Variants in HNRNPU observed in about 807,000 individuals in gnomAD.
The protein encoded by HNRNPU is HNRNPU antisense RNA 1.
Under a neutral mutation model 94.7 loss-of-function variants are expected in HNRNPU, and 5 were observed. The ratio of observed to expected loss-of-function variants is 0.05; its 90% CI spans 0.03 to 0.11. The LOEUF is 0.11. Among genes scored for constraint, HNRNPU ranks in the 10% least tolerant of loss-of-function variants. The pLI is 1.00. For synonymous variants in HNRNPU, 434 were observed against 381.6 expected (o/e 1.14, Z -1.60); for missense variants, 710 against 1,049.2 (o/e 0.68, Z 4.47).
In HNRNPU at chr1:244,862,690, C is replaced by A; in HGVS notation, c.732G>T (p.Arg244Ser). 3 of 1,614,156 alleles carry A rather than the reference C, an allele frequency of 1.9e-6. No individual in the cohort carries two copies. The highest frequency in any genetic ancestry group is 2.5e-6 in the Non-Finnish European group (3 of 1,180,006). ...KTEQKGGDKK[R>S]GVKRPREDHG... is the part of the protein sequence containing the mutation. ...GATCTTCTCGTGGTCTTTTAACACC[C>A]CTCTTTTTATCTCCGCCTTTCTGTT... The change falls in exon 2 of 14, where the codon AGG (arginine) becomes AGT (serine). Residue 244 changes from arginine to serine, a missense_variant. Physicochemically the swap from Arg to Ser is moderately radical, Grantham distance 110. Coordinates refer to ENST00000640218, the MANE Select transcript of HNRNPU (RefSeq NM_031844.3).
In HNRNPU at chr1:244,858,412, C is replaced by T. The variant is rs889486321; in HGVS notation, c.1231-138G>A. 12 of 724,310 alleles carry T rather than the reference C, an allele frequency of 1.7e-5. No homozygotes were observed. In the African/African-American group the frequency reaches 2.1e-4, roughly 13 times the overall value. 44.9% of individuals were successfully genotyped at this position (724,310 alleles called of 1,614,324 possible). On this transcript the variant is annotated intron_variant, in intron 6 of 13. Coordinates refer to ENST00000640218, the MANE Select transcript of HNRNPU (RefSeq NM_031844.3). The stretch of plus-strand genomic sequence containing the variant: ...ACTATTAGGTGGCCTTTAAGGGCTA[C>T]ACAGTTAAGAAATCTGATGGTTGTA...
chr1:244,864,020 G>A lies in HNRNPU; in HGVS notation c.288C>T (p.Ile96=), dbSNP rs746145300. The change falls in exon 1 of 14, where the codon ATC becomes ATT. Residue 96 remains isoleucine, a synonymous_variant. Transcript: ENST00000640218. ...CCATCTGGTCGCCGTCCAGAGCGGAGATTCCTTCCTCCTCCTCTTCCTCTT... is the reference window on the plus strand; with the variant it reads ...CCATCTGGTCGCCGTCCAGAGCGGAAATTCCTTCCTCCTCCTCTTCCTCTT... ...EEEEEEEEEG[I]SALDGDQMEL... The A allele has an allele frequency of 1.1e-5, 18 of 1,612,886 alleles. No individual in the cohort carries two copies. The Admixed American group carries it at 2.5e-4, about 22-fold the overall frequency.
In HNRNPU at chr1:244,863,395, G is replaced by GACAC. The variant is rs1177980110; in HGVS notation, c.691+218_691+221dup. 0.012 allele frequency among the ~76,000 whole-genome samples: 1,618 copies of GACAC among 138,700 alleles called. 23 individuals carry two copies. Among genetic ancestry groups the GACAC allele is most frequent in the East Asian group, 0.058 (258 of 4,418 alleles). The allele number at this position is 138,700 out of a possible 152,430, so 91.0% of individuals were successfully genotyped here. On this transcript the variant is annotated intron_variant, in intron 1 of 13. Coordinates refer to ENST00000640218, the MANE Select transcript of HNRNPU (RefSeq NM_031844.3). ...ACATAATGGAGGCGCTGCCACCGCC[G>GACAC]ACACACACACACACACACACACACA... is the stretch of plus-strand genomic sequence containing the variant.
chr1:244,861,131 G>A (rs1160413424), intron 3 of HNRNPU: 1 of 152,194 alleles, frequency 6.6e-6, no homozygotes, highest in Non-Finnish European at 1.5e-5. Flanking sequence ...CTACCTATGG[G>A]TCACTGGCTC....
intron 1 of HNRNPU, among the ~76,000 whole-genome samples, chr1:244,863,373 T>A (rs1351844750): frequency 6.8e-6 from 1 of 146,262 alleles, no homozygotes; most frequent in East Asian, 2.1e-4. Context: ...TCGAGCCACA[T>A]AATGGAGGCG....
Position 244,858,080 on chromosome 1 carries a change from G to A in HNRNPU, c.1425C>T (p.Phe475=), listed in dbSNP as rs1328123201. ...PYFPIPEEYT[F]IQNVPLEDRV... Reference sequence around the variant, plus strand: ...GATCCTCTAAGGGGACGTTCTGGATGAAAGTATACTCTTCAGGTATTGGAA... The same window carrying A: ...GATCCTCTAAGGGGACGTTCTGGATAAAAGTATACTCTTCAGGTATTGGAA... The change falls in exon 7 of 14, where the codon TTC becomes TTT. Residue 475 remains phenylalanine, a synonymous_variant. Transcript: ENST00000640218. The A allele has an allele frequency of 1.2e-6, 2 of 1,613,742 alleles. No homozygotes were observed. Among genetic ancestry groups the A allele is most frequent in the African/African-American group, 1.3e-5 (1 of 74,862 alleles).
At position 244,864,076 on chromosome 1, in the gene HNRNPU, C is replaced by A; in HGVS notation, c.232G>T (p.Ala78Ser). 6.9e-6 allele frequency: 11 copies of A among 1,601,078 alleles called. No homozygotes were observed. The highest frequency in any genetic ancestry group is 9.4e-6 in the Non-Finnish European group (11 of 1,174,192). The change falls in exon 1 of 14, where the codon GCC becomes TCC. Residue 78 changes from alanine (A) to serine (S), a missense_variant. This residue lies in a region of HNRNPU where 292 missense variants were observed against 293.4 expected (regional missense o/e 1.00). Coordinates refer to ENST00000640218, the MANE Select transcript of HNRNPU (RefSeq NM_031844.3). ...TCCTCTTCATCGCCGCCGGCCGCGG[C>A]CTCCTGCTCGAGGCCTGCTCCCGAG... is the stretch of plus-strand genomic sequence containing the variant. ...GRSGAGLEQE[A>S]AAGGDEEEEE...
chr1:244,856,180 TATTA>T lies in HNRNPU; in HGVS notation c.1913-26_1913-23del, dbSNP rs550467457. The T allele has an allele frequency of 1.1e-4, 174 of 1,584,818 alleles. No individual in the cohort carries two copies. The East Asian group carries it at 3.3e-3, about 30-fold the overall frequency. On this transcript the variant is annotated intron_variant, in intron 10 of 13. Transcript: ENST00000640218. ...TTTCCTGCAGGAAACAAAGTCATAT[TATTA>T]ATTTAGAAACCCACCACGAATCCTC...
chr1:244,853,187 G>T lies in HNRNPU; in HGVS notation c.*1263C>A, dbSNP rs1353586710. On this transcript the variant is annotated 3_prime_UTR_variant, in exon 14 of 14. Coordinates refer to ENST00000640218, the MANE Select transcript of HNRNPU (RefSeq NM_031844.3). The stretch of plus-strand genomic sequence containing the variant: ...CATTAAATATGTTAAAAGTTGTCTG[G>T]GGGGGAGGGGAAGGGAAGAATTCAA... The T allele has an allele frequency of 1.3e-5, 2 of 152,412 alleles. No homozygotes were observed. The highest frequency in any genetic ancestry group is 2.9e-5 in the Non-Finnish European group (2 of 67,948). 9.4% of individuals were successfully genotyped at this position (152,412 alleles called of 1,614,324 possible). A position where few individuals can be genotyped will look rare whatever the true frequency, so the allele number is the denominator to read the frequency against.
rs937022257 is a variant in HNRNPU, at chr1:244,856,327, T to C, written c.1912+130A>G. ...ATTTTAATTCCTGAAGCAGTATTGCTGGAAAAAATGTTAACTTTCAGGAGG... is the reference window on the plus strand; with the variant it reads ...ATTTTAATTCCTGAAGCAGTATTGCCGGAAAAAATGTTAACTTTCAGGAGG... On this transcript the variant is annotated intron_variant, in intron 10 of 13. Transcript: ENST00000640218. The C allele has an allele frequency of 1.3e-5, 15 of 1,187,048 alleles. No homozygotes were observed. The African/African-American group carries it at 1.8e-4, about 15-fold the overall frequency. The allele number at this position is 1,187,048 out of a possible 1,614,324, so 73.5% of individuals were successfully genotyped here.
At chr1:244,854,896 G>T in intron 13 of HNRNPU, 77 bp downstream of exon 13, 2 of 1,159,902 alleles carry the variant, frequency 1.7e-6, no homozygotes, top group Non-Finnish European at 2.6e-6. Context: ...CCCTGAACAA[G>T]ATCTTTTTCA....
intron 4 of HNRNPU, 200 bp downstream of exon 4, chr1:244,860,135 A>G: frequency 2.1e-6 from 1 of 477,298 alleles, no homozygotes; most frequent in Non-Finnish European, 3.7e-6. Context: ...CCCCATCTCT[A>G]TTAAAAATAC....
rs1376712060 is a variant in HNRNPU, at chr1:244,853,992, A to C, written c.*458T>G. 5.5e-6 allele frequency: 1 copy of C among 182,238 alleles called. No homozygotes were observed. The highest frequency in any genetic ancestry group is 1.1e-5 in the Non-Finnish European group (1 of 88,112). The allele number at this position is 182,238 out of a possible 1,614,324, so 11.3% of individuals were successfully genotyped here. On this transcript the variant is annotated 3_prime_UTR_variant, in exon 14 of 14. Transcript: ENST00000640218. ...ATGGAGTGTAATATGAGCAGTACAG[A>C]GTCTTAATGCAATTCATGAGGACCA...
chr1:244,863,054 C>T (rs1680885119), intron 1 of HNRNPU: 1 of 311,858 alleles, frequency 3.2e-6, no homozygotes, highest in Admixed American at 5.0e-5. Context: ...GCGGCGCTCC[C>T]CTCCCCCGCG....
chr1:244,862,398 A>T (rs1449076124), intron 3 of HNRNPU, 63 bp downstream of exon 3: 5 of 1,080,914 alleles, frequency 4.6e-6, no homozygotes, highest in African/African-American at 1.6e-5. Context: ...AGACTTCTAA[A>T]AAAAAAAAAA....
At chr1:244,863,430 G>A (rs1480831260) in intron 1 of HNRNPU, among the ~76,000 whole-genome samples, 187 bp downstream of exon 1, 19 of 149,304 alleles carry the variant, frequency 1.3e-4, no homozygotes, top group African/African-American at 4.7e-4. Flanking sequence ...ACGCGCGCGC[G>A]CACACACACG....
In HNRNPU at chr1:244,863,151, G is replaced by A. The variant is rs919128346; in HGVS notation, c.692-421C>T. 2.2e-4 allele frequency: 31 copies of A among 143,276 alleles called. No homozygotes were observed. In the Admixed American group the frequency reaches 2.3e-3, roughly 11 times the overall value. The allele number at this position is 143,276 out of a possible 1,614,324, so 8.9% of individuals were successfully genotyped here. On this transcript the variant is annotated intron_variant, in intron 1 of 13. Transcript: ENST00000640218. ...CTCCTCCCGCCGGAAGTGACGTCAC[G>A]CCGAGCCCCTGCGCTCCTTGCACAA...
intron 4 of HNRNPU, chr1:244,859,998 A>G (rs544092137): frequency 4.9e-6 from 1 of 203,424 alleles, no homozygotes; most frequent in South Asian, 1.4e-4. Context: ...CCTTGTCACT[A>G]TTTTAAAAAG....
intron 3 of HNRNPU, chr1:244,862,036 T>TAA (rs1680844192): frequency 6.4e-6 from 1 of 156,436 alleles, no homozygotes; most frequent in African/African-American, 2.4e-5. Context: ...AAATAGGGAA[T>TAA]ATACTTGTGT....
Sources: gnomAD v4.1 joint callset for allele counts (sites outside exome capture counted in the v4.1 genomes callset) on GRCh38, gnomAD v4.1.1 for gene constraint, gnomAD v4.1.1 regional missense constraint, MANE v1.5 for transcripts, NCBI Gene and HGNC (gene_info 2026-07-23, HGNC 2026-07-21) for gene names.